The following SLC29A4 variants were observed in gnomAD, a reference collection of about 807,000 sequenced individuals.
SLC29A4 encodes equilibrative nucleoside transporter 4.
Under a neutral mutation model 43.9 loss-of-function variants are expected in SLC29A4, and 36 were observed. The ratio of observed to expected loss-of-function variants is 0.82; its 90% CI spans 0.63 to 1.08. SLC29A4 has a LOEUF of 1.08. SLC29A4 is among the 50% of genes least tolerant of loss of function. SLC29A4 has a pLI of 0.00. For synonymous variants in SLC29A4, 491 were observed against 338.0 expected (o/e 1.45, Z -4.97); for missense variants, 869 against 755.3 (o/e 1.15, Z -1.77).
At chr7:5,299,544 A>G in intron 9 of SLC29A4, 117 bp downstream of exon 9, 1 of 1,174,422 alleles carries the variant, frequency 8.5e-7, no homozygotes, top group Non-Finnish European at 1.2e-6. Context: ...CCCAGGTGGA[A>G]AGGGCAAGAG....
Position 5,297,001 on chromosome 7 carries a change from G to T in SLC29A4, c.685G>T (p.Ala229Ser). Residue 229 changes from alanine (A) to serine (S), a missense_variant, in exon 7 of 11, where the codon GCC becomes TCC. Coordinates refer to ENST00000396872, the MANE Select transcript of SLC29A4 (RefSeq NM_153247.4). ...GAAGCTGCTGCTGCCCGACGAGCGC[G>T]CCAGCACGCTCATCTTCTTCCTGGT... is the stretch of plus-strand genomic sequence containing the variant. ...LTKLLLPDER[A>S]STLIFFLVSV... The T allele has an allele frequency of 6.2e-7, 1 of 1,604,458 alleles. No individual in the cohort carries two copies. Among genetic ancestry groups the T allele is most frequent in the Non-Finnish European group, 8.5e-7 (1 of 1,179,602 alleles).
At chr7:5,287,623 C>A (rs1025012811) in intron 1 of SLC29A4, among the ~76,000 whole-genome samples, 186 bp from the exon 2 acceptor site, 1 of 152,158 alleles carries the variant, frequency 6.6e-6, no homozygotes, top group Non-Finnish European at 1.5e-5. Context: ...GGTCTTTGAA[C>A]CTCACATCCA....
Position 5,291,263 on chromosome 7 carries a change from C to A in SLC29A4, c.415+26C>A. ...GTGCGCTGGGCCCCGCCACGGGACA[C>A]CTGCCTGTCATGGCTTCCACCTGCC... is the stretch of plus-strand genomic sequence containing the variant. On this transcript the variant is annotated intron_variant, in intron 4 of 10. Coordinates refer to ENST00000396872, the MANE Select transcript of SLC29A4 (RefSeq NM_153247.4). 3 of 1,597,040 alleles carry A rather than the reference C, an allele frequency of 1.9e-6. No homozygotes were observed. The South Asian group carries it at 3.3e-5, about 18-fold the overall frequency.
At chr7:5,293,642 T>C (rs1032971215) in intron 5 of SLC29A4, among the ~76,000 whole-genome samples, 2 of 152,080 alleles carry the variant, frequency 1.3e-5, no homozygotes, top group Non-Finnish European at 2.9e-5. Context: ...AAAAATGCTG[T>C]GACTAGATTT....
chr7:5,299,518 A>T (rs1339695259), intron 9 of SLC29A4, 91 bp downstream of exon 9: 1 of 1,357,086 alleles, frequency 7.4e-7, no homozygotes, highest in African/African-American at 1.4e-5. Context: ...GTTCTGAGTG[A>T]AGGATGCATG....
Position 5,287,815 on chromosome 7 carries a change from C to A in SLC29A4, c.-2C>A, listed in dbSNP as rs1785052151. 1 of 1,610,652 alleles carries A rather than the reference C, an allele frequency of 6.2e-7. No individual in the cohort carries two copies. On this transcript the variant is annotated 5_prime_UTR_variant, in exon 2 of 11. Coordinates refer to ENST00000396872, the MANE Select transcript of SLC29A4 (RefSeq NM_153247.4). ...TCTGCTTTCTCCAAAGCAGAGGCTG[C>A]CATGGGCTCCGTGGGGAGCCAGCGC...
In SLC29A4 at chr7:5,299,354, G is replaced by A. The variant is rs765139360; in HGVS notation, c.1136G>A (p.Arg379His). The A allele has an allele frequency of 3.7e-5, 60 of 1,612,130 alleles. No individual in the cohort carries two copies. Among genetic ancestry groups the A allele is most frequent in the Non-Finnish European group, 4.9e-5 (58 of 1,179,854 alleles). The change falls in exon 9 of 11, where the codon CGC (arginine) becomes CAC (histidine). Residue 379 changes from arginine to histidine, a missense_variant. Transcript: ENST00000396872. ...TTCCCCGGCCTCGAGTCTGAGATCC[G>A]CCACTGCATCCTGGGCGAGTGGCTG... ...CLFPGLESEIRHCILGEWLPI... is the reference protein window; with the variant it reads ...CLFPGLESEIHHCILGEWLPI...
rs529358547 is a variant in SLC29A4 at position 5,300,363 on chromosome 7, G to T, written c.1210-59G>T. 370 of 1,606,086 alleles carry T rather than the reference G, an allele frequency of 2.3e-4. 1 individual carries two copies. In the South Asian group the frequency reaches 2.6e-3, roughly 11 times the overall value. On this transcript the variant is annotated intron_variant, in intron 9 of 10. Coordinates refer to ENST00000396872, the MANE Select transcript of SLC29A4 (RefSeq NM_153247.4). ...GGGATGTGGCTAGAGGCTGTCGGGG[G>T]TGTGAGGCGAGTGGGGCTGTGGCCG...
At chr7:5,283,992 G>A (rs1244310048) in intron 1 of SLC29A4, among the ~76,000 whole-genome samples, 4 of 151,868 alleles carry the variant, frequency 2.6e-5, no homozygotes, top group South Asian at 2.1e-4. Flanking sequence ...GGGAGGAGCC[G>A]GAGGGGGTCA....
Position 5,303,003 on chromosome 7 carries a change from C to T in SLC29A4, c.*64C>T, listed in dbSNP as rs1205765456. On this transcript the variant is annotated 3_prime_UTR_variant, in exon 11 of 11. Transcript: ENST00000396872. ...CCAGGGGCCCCGAGGCCTGAGGGCC[C>T]CTCCCCTGTCCCCACCTCAGTGCCT... 14 of 1,541,182 alleles carry T rather than the reference C, an allele frequency of 9.1e-6. No individual in the cohort carries two copies. The Admixed American group carries it at 1.2e-4, about 13-fold the overall frequency.
At chr7:5,292,842 G>C (rs1225066003) in intron 5 of SLC29A4, among the ~76,000 whole-genome samples, 3 of 151,260 alleles carry the variant, frequency 2.0e-5, no homozygotes, top group Non-Finnish European at 4.4e-5. Context: ...GGGATTACAG[G>C]TGCCCGCCAC....
chr7:5,296,619 G>C (rs1785684421), intron 6 of SLC29A4, among the ~76,000 whole-genome samples: 1 of 111,688 alleles, frequency 9.0e-6, no homozygotes, highest in African/African-American at 3.5e-5. Context: ...GCTGGGCGTG[G>C]CTGAGTGGGG....
At chr7:5,295,293 A>G (rs1040725591) in intron 6 of SLC29A4, among the ~76,000 whole-genome samples, 5 of 152,010 alleles carry the variant, frequency 3.3e-5, no homozygotes. Flanking sequence ...CCGTGATGTC[A>G]TGCACATCAC....
chr7:5,293,767 A>G (rs59606555), intron 5 of SLC29A4, among the ~76,000 whole-genome samples: 8,243 of 152,166 alleles, frequency 0.054, 729 homozygotes, highest in African/African-American at 0.19. Flanking sequence ...GGCCCCCCAC[A>G]TAGCTGGGAT....
chr7:5,298,537 A>G (rs1373722377), intron 7 of SLC29A4, among the ~76,000 whole-genome samples: 57 of 152,146 alleles, frequency 3.7e-4, no homozygotes. Flanking sequence ...CACACCTGCA[A>G]TCCCAGCTAT....
At position 5,304,243 on chromosome 7, in the gene SLC29A4, C is replaced by G. The variant is rs1421467082; in HGVS notation, c.*1304C>G. On this transcript the variant is annotated 3_prime_UTR_variant, in exon 11 of 11. Coordinates refer to ENST00000396872, the MANE Select transcript of SLC29A4 (RefSeq NM_153247.4). Reference sequence around the variant, plus strand: ...GGGTAGGCTTGGTTTGTGGGCAGCGCTGGGTAGTGGGGTGAGAGCTGGGAG... The same window carrying G: ...GGGTAGGCTTGGTTTGTGGGCAGCGGTGGGTAGTGGGGTGAGAGCTGGGAG... The G allele has an allele frequency of 6.6e-6, 1 of 152,476 alleles. No individual in the cohort carries two copies. Among genetic ancestry groups the G allele is most frequent in the Non-Finnish European group, 1.5e-5 (1 of 68,306 alleles). 9.4% of individuals were successfully genotyped at this position (152,476 alleles called of 1,614,324 possible). A position where few individuals can be genotyped will look rare whatever the true frequency, so the allele number is the denominator to read the frequency against.
chr7:5,299,560 C>T (rs770187644), intron 9 of SLC29A4, 133 bp downstream of exon 9: 7 of 1,010,000 alleles, frequency 6.9e-6, no homozygotes, highest in Non-Finnish European at 8.6e-6. Context: ...AAGAGCTGTG[C>T]AGTGGCGCCA....
intron 6 of SLC29A4, 56 bp from the exon 7 acceptor site, chr7:5,296,880 G>C: frequency 6.7e-7 from 1 of 1,498,708 alleles, no homozygotes; most frequent in East Asian, 2.4e-5. Context: ...GGGCGGGACG[G>C]GGCGGTGCAG....
intron 1 of SLC29A4, among the ~76,000 whole-genome samples, chr7:5,284,900 C>A (rs1162841029): frequency 2.0e-5 from 3 of 152,202 alleles, no homozygotes; most frequent in Non-Finnish European, 4.4e-5. Context: ...GGCTTTCTGG[C>A]CAGGAGTGTT....
Sources: allele counts gnomAD v4.1 joint callset (sites outside exome capture counted in the v4.1 genomes callset), GRCh38; gene constraint gnomAD v4.1.1; transcripts MANE v1.5; gene names NCBI Gene and HGNC (gene_info 2026-07-23, HGNC 2026-07-21).